PCNA: variants seen among roughly 807,000 people sequenced by gnomAD.
PCNA encodes the protein DNA sliding clamp PCNA.
PCNA carries 4 observed loss-of-function variants against 27.8 expected under a neutral mutation model. That is an observed-to-expected ratio of 0.14 (90% CI 0.07 to 0.33). The LOEUF is 0.33. Ranked by LOEUF, PCNA falls within the 10% of genes least tolerant of loss-of-function variation. The pLI is 1.00. For synonymous variants in PCNA, 121 were observed against 119.4 expected (o/e 1.01, Z -0.09); for missense variants, 165 against 327.4 (o/e 0.50, Z 3.83).
chr20:5,120,034 T>C (rs1237044643), upstream of PCNA: 3 of 549,930 alleles, frequency 5.5e-6, no homozygotes, highest in Non-Finnish European at 9.8e-6. Flanking sequence ...CCCACGGCCT[T>C]GCGGGGAAGA....
At chr20:5,119,977 G>C (rs1025794768), upstream of PCNA, 11 of 607,054 alleles carry the variant, frequency 1.8e-5, no homozygotes, top group Admixed American at 1.7e-4. Context: ...GTCCGCAAGC[G>C]CGCGCTCTCA....
chr20:5,117,346 G>A (rs1449010643), intron 4 of PCNA, 124 bp downstream of exon 4: 1 of 672,170 alleles, frequency 1.5e-6, no homozygotes, highest in Non-Finnish European at 2.5e-6. Context: ...GATTTCAACA[G>A]TATCTCAATT....
At position 5,119,902 on chromosome 20, in the gene PCNA, G is replaced by A; in HGVS notation, c.-104C>T. ...AGAGCGAGCGGGCGAACGTCGCGAC[G>A]ACCGGCTGAGACCTAGAAAGACAAC... is the stretch of plus-strand genomic sequence containing the variant. On this transcript the variant is annotated 5_prime_UTR_variant, in exon 1 of 6. Transcript: ENST00000379143. The A allele has an allele frequency of 6.2e-6, 5 of 805,930 alleles. No individual in the cohort carries two copies. Among genetic ancestry groups the A allele is most frequent in the South Asian group, 4.7e-5 (3 of 63,326 alleles). 49.9% of individuals were successfully genotyped at this position (805,930 alleles called of 1,614,324 possible).
chr20:5,123,051 T>A (rs937784891), upstream of PCNA, among the ~76,000 whole-genome samples: 1 of 152,180 alleles, frequency 6.6e-6, no homozygotes, highest in African/African-American at 2.4e-5. Flanking sequence ...AGACAGCTGC[T>A]TGGAGAGTTG....
chr20:5,118,275 A>C (rs1179210127), intron 3 of PCNA, among the ~76,000 whole-genome samples: 1 of 152,236 alleles, frequency 6.6e-6, no homozygotes, highest in African/African-American at 2.4e-5. Context: ...AAGTAGGCTT[A>C]AATTATATTA....
chr20:5,115,728 T>A (rs886664019), intron 4 of PCNA, among the ~76,000 whole-genome samples, 156 bp from the exon 5 acceptor site: 7 of 152,234 alleles, frequency 4.6e-5, no homozygotes, highest in African/African-American at 1.7e-4. Flanking sequence ...AAGACTCGAT[T>A]ATCTAGCTTG....
At chr20:5,120,320 G>A, upstream of PCNA, among the ~76,000 whole-genome samples, 1 of 151,858 alleles carries the variant, frequency 6.6e-6, no homozygotes, top group East Asian at 1.9e-4. Context: ...AGCCTACCGG[G>A]AGGAAAAGCC....
upstream of PCNA, chr20:5,120,148 C>T (rs992896069): frequency 2.1e-5 from 6 of 284,426 alleles, no homozygotes; most frequent in African/African-American, 1.3e-4. Context: ...GGTCTCCCCG[C>T]CTCTTTGACT....
chr20:5,118,957 C>T (rs2090495738), intron 1 of PCNA, 91 bp from the exon 2 acceptor site: 1 of 804,698 alleles, frequency 1.2e-6, no homozygotes, highest in African/African-American at 1.7e-5. Context: ...CCACTCTCAC[C>T]CATCAGGCCG....
chr20:5,118,878 G>A lies in PCNA; in HGVS notation c.222-12C>T, dbSNP rs1176035327. 1 of 1,569,420 alleles carries A rather than the reference G, an allele frequency of 6.4e-7. No individual in the cohort carries two copies. Among genetic ancestry groups the A allele is most frequent in the East Asian group, 2.2e-5 (1 of 44,462 alleles). ...GTATTTTGGACATACTAGAAGACAG[G>A]AGACACATGCTTTAAAATCAACGCC... On this transcript the variant is annotated splice_polypyrimidine_tract_variant and intron_variant, in intron 1 of 5. Transcript: ENST00000379143.
chr20:5,119,492 A>C (rs1184798537), intron 1 of PCNA, 86 bp downstream of exon 1: 1 of 1,086,016 alleles, frequency 9.2e-7, no homozygotes, highest in East Asian at 2.6e-5. Context: ...CACGCCAGCC[A>C]ATGAGGGCTA....
At position 5,115,034 on chromosome 20, in the gene PCNA, T is replaced by C. The variant is rs2090465518; in HGVS notation, c.*249A>G. The C allele has an allele frequency of 5.6e-6, 2 of 356,648 alleles. No homozygotes were observed. The highest frequency in any genetic ancestry group is 1.0e-5 in the Non-Finnish European group (2 of 194,062). The allele number at this position is 356,648 out of a possible 1,614,324, so 22.1% of individuals were successfully genotyped here. Reference sequence around the variant, plus strand: ...ATTTAGAGTCAAGACCCTTTTGTATTATAAAAATCACAAGTATTTCTAAGA... The same window carrying C: ...ATTTAGAGTCAAGACCCTTTTGTATCATAAAAATCACAAGTATTTCTAAGA... On this transcript the variant is annotated 3_prime_UTR_variant, in exon 6 of 6. Coordinates refer to ENST00000379143, the MANE Select transcript of PCNA (RefSeq NM_182649.2).
chr20:5,119,801 T>A lies in PCNA; in HGVS notation c.-3A>T. The A allele has an allele frequency of 6.4e-7, 1 of 1,559,056 alleles. No homozygotes were observed. Among genetic ancestry groups the A allele is most frequent in the Non-Finnish European group, 8.7e-7 (1 of 1,151,368 alleles). ...TGGACCAGGCGCGCCTCGAACATGG[T>A]GGCGGAGTGGCAACAACGCCGCTAC... On this transcript the variant is annotated 5_prime_UTR_variant, in exon 1 of 6. Coordinates refer to ENST00000379143, the MANE Select transcript of PCNA (RefSeq NM_182649.2).
intron 4 of PCNA, among the ~76,000 whole-genome samples, chr20:5,116,429 T>TA (rs201902663): frequency 0.018 from 2,674 of 151,742 alleles, 73 homozygotes; most frequent in African/African-American, 0.059. Context: ...TTTATTAATT[T>TA]AAAAAAAAAC....
At chr20:5,117,826 A>T (rs2090486019) in intron 3 of PCNA, among the ~76,000 whole-genome samples, 162 bp from the exon 4 acceptor site, 2 of 152,264 alleles carry the variant, frequency 1.3e-5, no homozygotes, top group African/African-American at 4.8e-5. Context: ...ACTCAAAAAA[A>T]TAAATGGCTA....
Position 5,115,280 on chromosome 20 carries a change from T to C in PCNA, c.*3A>G. The C allele has an allele frequency of 1.2e-6, 2 of 1,608,144 alleles. No individual in the cohort carries two copies. The highest frequency in any genetic ancestry group is 1.7e-6 in the Non-Finnish European group (2 of 1,174,900). ...GTTTTATTTTCTTGAATTTTAAGAA[T>C]GCCTAAGATCCTTCTTCATCCTCGA... On this transcript the variant is annotated 3_prime_UTR_variant, in exon 6 of 6. Coordinates refer to ENST00000379143, the MANE Select transcript of PCNA (RefSeq NM_182649.2).
chr20:5,117,955 T>TA (rs978505481), intron 3 of PCNA, among the ~76,000 whole-genome samples: 1 of 152,218 alleles, frequency 6.6e-6, no homozygotes, highest in Admixed American at 6.5e-5. Context: ...AACTACTTTC[T>TA]AAAAGAAAGC....
Position 5,115,272 on chromosome 20 carries a change from T to G in PCNA, c.*11A>C. Reference sequence around the variant, plus strand: ...AGAGCTTAGTTTTATTTTCTTGAATTTTAAGAATGCCTAAGATCCTTCTTC... The same window carrying G: ...AGAGCTTAGTTTTATTTTCTTGAATGTTAAGAATGCCTAAGATCCTTCTTC... On this transcript the variant is annotated 3_prime_UTR_variant, in exon 6 of 6. Coordinates refer to ENST00000379143, the MANE Select transcript of PCNA (RefSeq NM_182649.2). 1.2e-6 allele frequency: 2 copies of G among 1,606,850 alleles called. No individual in the cohort carries two copies. Among genetic ancestry groups the G allele is most frequent in the South Asian group, 2.2e-5 (2 of 90,752 alleles).
In PCNA at chr20:5,117,585, T is replaced by C; in HGVS notation, c.467A>G (p.Asp156Gly). Residue 156 changes from aspartate (D) to glycine (G), a missense_variant, in exon 4 of 6, where the codon GAT becomes GGT. Coordinates refer to ENST00000379143, the MANE Select transcript of PCNA (RefSeq NM_182649.2). ...RICRDLSHIG[D>G]AVVISCAKDG... The stretch of plus-strand genomic sequence containing the variant: ...TTTTGCACAGGAAATTACAACAGCA[T>C]CTCCAATATGGCTGAGATCTCGGCA... The C allele has an allele frequency of 6.2e-7, 1 of 1,613,836 alleles. No homozygotes were observed. Among genetic ancestry groups the C allele is most frequent in the Non-Finnish European group, 8.5e-7 (1 of 1,179,774 alleles).
Sources: gnomAD v4.1 joint callset for allele counts (sites outside exome capture counted in the v4.1 genomes callset) on GRCh38, gnomAD v4.1.1 for gene constraint, MANE v1.5 for transcripts, NCBI Gene and HGNC (gene_info 2026-07-23, HGNC 2026-07-21) for gene names.